LRIF1: variants seen among roughly 807,000 people sequenced by gnomAD.
LRIF1 encodes the protein ligand-dependent nuclear receptor-interacting factor 1.
In LRIF1, 32 loss-of-function variants were observed where a neutral mutation model predicts 52.7. That is an observed-to-expected ratio of 0.61 (90% CI 0.46 to 0.82). LRIF1 has a LOEUF of 0.82. Among genes scored for constraint, LRIF1 ranks in the 40% least tolerant of loss-of-function variants. The probability of loss-of-function intolerance (pLI) is 0.00; values close to 1 mark genes in which losing one functional copy is unlikely to be tolerated. For missense variants in LRIF1, 887 were observed against 892.0 expected (o/e 0.99, Z 0.07); for synonymous variants, 323 against 317.4 (o/e 1.02, Z -0.19).
chr1:110,918,797 C>T, the LRIF1 span, among the ~76,000 whole-genome samples: 1 of 152,154 alleles, frequency 6.6e-6, no homozygotes. Context: ...AGGAGTCTTA[C>T]AGGAGATCTT....
the LRIF1 span, among the ~76,000 whole-genome samples, chr1:110,901,150 GT>G: frequency 0.63 from 95,557 of 150,498 alleles, 32,463 homozygotes; most frequent in Non-Finnish European, 0.76. Context: ...CTCTCTCTCT[GT>G]TTTTTTTTGT....
the LRIF1 span, among the ~76,000 whole-genome samples, chr1:110,880,502 G>T: frequency 6.6e-6 from 1 of 152,106 alleles, no homozygotes; most frequent in African/African-American, 2.4e-5. Context: ...CAGGTTACAC[G>T]GGCCTGAACT....
At chr1:110,899,429 A>C in the LRIF1 span, 1 of 432,550 alleles carries the variant, frequency 2.3e-6, no homozygotes, top group Non-Finnish European at 4.2e-6. Context: ...AAAGTGGTGA[A>C]ACTAATATCT....
the LRIF1 span, among the ~76,000 whole-genome samples, chr1:110,876,175 G>A: frequency 8.5e-5 from 13 of 152,130 alleles, no homozygotes; most frequent in Non-Finnish European, 1.3e-4. Flanking sequence ...AGGAGCTGTC[G>A]CAACTGTCCA....
At chr1:110,962,900 C>G (rs1659020577) in intron 1 of LRIF1, among the ~76,000 whole-genome samples, 1 of 151,838 alleles carries the variant, frequency 6.6e-6, no homozygotes, top group South Asian at 2.1e-4. Context: ...CAATTCATTT[C>G]CTTGTAATAC....
the LRIF1 span, among the ~76,000 whole-genome samples, chr1:110,908,763 T>C: frequency 2.0e-5 from 3 of 152,228 alleles, no homozygotes; most frequent in East Asian, 1.9e-4. Context: ...ACCAAACTCA[T>C]TGGATTCTTG....
At chr1:110,906,815 G>C in the LRIF1 span, among the ~76,000 whole-genome samples, 5 of 152,150 alleles carry the variant, frequency 3.3e-5, no homozygotes, top group South Asian at 1.0e-3. Flanking sequence ...AATGGAACTT[G>C]AACAAGCTGA....
At chr1:110,906,701 A>C in the LRIF1 span, among the ~76,000 whole-genome samples, 3 of 152,222 alleles carry the variant, frequency 2.0e-5, no homozygotes, top group Admixed American at 1.3e-4. Context: ...GGAAACTATC[A>C]TACTCACTAA....
the LRIF1 span, among the ~76,000 whole-genome samples, chr1:110,901,431 T>A: frequency 6.6e-6 from 1 of 150,408 alleles, no homozygotes; most frequent in African/African-American, 2.4e-5. Context: ...CCACCTTGGC[T>A]TCCCAAAGTG....
chr1:110,893,466 T>A, the LRIF1 span, among the ~76,000 whole-genome samples: 1 of 152,024 alleles, frequency 6.6e-6, no homozygotes, highest in Non-Finnish European at 1.5e-5. Flanking sequence ...GGGATTACAG[T>A]CATGCGCCAC....
At chr1:110,892,390 CACA>C in the LRIF1 span, 2 of 1,613,862 alleles carry the variant, frequency 1.2e-6, no homozygotes, top group Non-Finnish European at 8.5e-7. Flanking sequence ...CCTGCTGATC[CACA>C]ACAACTTCGG....
chr1:110,888,420 T>G, the LRIF1 span, among the ~76,000 whole-genome samples: 1 of 152,204 alleles, frequency 6.6e-6, no homozygotes, highest in Admixed American at 6.5e-5. Context: ...AAACTGTCTG[T>G]GAATATAAGC....
At chr1:110,897,035 A>T in the LRIF1 span, among the ~76,000 whole-genome samples, 1 of 152,228 alleles carries the variant, frequency 6.6e-6, no homozygotes, top group Non-Finnish European at 1.5e-5. Context: ...AGCAAGAAGT[A>T]GGTCTCCTTA....
intron 1 of LRIF1, among the ~76,000 whole-genome samples, chr1:110,959,736 C>CAAAAAAAAAAAA (rs11320169): frequency 1.8e-5 from 1 of 56,350 alleles, no homozygotes; most frequent in Admixed American, 1.9e-4. Flanking sequence ...GACTCCATCT[C>CAAAAAAAAAAAA]AAAAAAAAAA....
chr1:110,886,860 TATATA>T, the LRIF1 span, among the ~76,000 whole-genome samples: 3 of 75,800 alleles, frequency 4.0e-5, no homozygotes, highest in African/African-American at 1.4e-4. Context: ...TATATATATA[TATATA>T]TATATTTTTT....
chr1:110,926,986 A>G, the LRIF1 span, among the ~76,000 whole-genome samples: 1 of 152,202 alleles, frequency 6.6e-6, no homozygotes, highest in African/African-American at 2.4e-5. Context: ...TAAATTTGGT[A>G]TTACAGATCA....
chr1:110,939,995 CAAGTT>C, the LRIF1 span: 1 of 152,080 alleles, frequency 6.6e-6, no homozygotes, highest in African/African-American at 2.4e-5. Context: ...GGGATCACAT[CAAGTT>C]AAGAAGCTTC....
the LRIF1 span, among the ~76,000 whole-genome samples, chr1:110,924,120 G>T: frequency 6.6e-6 from 1 of 151,974 alleles, no homozygotes; most frequent in Non-Finnish European, 1.5e-5. Context: ...TACATTAAAA[G>T]TTAGTTGAAC....
chr1:110,921,880 C>T, the LRIF1 span, among the ~76,000 whole-genome samples: 1 of 152,118 alleles, frequency 6.6e-6, no homozygotes, highest in Non-Finnish European at 1.5e-5. Context: ...GGTATACAAA[C>T]TTGTGTTATG....
Sources: gnomAD v4.1 joint callset for allele counts (sites outside exome capture counted in the v4.1 genomes callset) on GRCh38, gnomAD v4.1.1 for gene constraint, MANE v1.5 for transcripts, NCBI Gene and HGNC (gene_info 2026-07-23, HGNC 2026-07-21) for gene names.